The following ENTPD1 variants were observed in gnomAD, a reference collection of about 807,000 sequenced individuals.
The protein encoded by ENTPD1 is ectonucleoside triphosphate diphosphohydrolase 1.
Under a neutral mutation model 57.0 loss-of-function variants are expected in ENTPD1, and 33 were observed. The observed-to-expected ratio is 0.58, with a 90% confidence interval of 0.44 to 0.77. The LOEUF (loss-of-function observed/expected upper bound fraction) is 0.77. ENTPD1 is among the 30% of genes least tolerant of loss of function. The pLI, the probability that ENTPD1 is intolerant of heterozygous loss-of-function variation, is 0.00. For synonymous variants in ENTPD1, 202 were observed against 218.8 expected, an observed-to-expected ratio of 0.92 and a Z score of 0.68; for missense variants, 501 against 603.4, an observed-to-expected ratio of 0.83 and a Z score of 1.78.
At chr10:95,813,116 A>C (rs1248463601) in intron 1 of ENTPD1, among the ~76,000 whole-genome samples, 1 of 152,176 alleles carries the variant, frequency 6.6e-6, no homozygotes, top group Non-Finnish European at 1.5e-5. Flanking sequence ...AGAAGAGGAG[A>C]CTTTATTTCT....
At position 95,867,928 on chromosome 10, in the gene ENTPD1, T is replaced by C; in HGVS notation, c.*1545T>C. The C allele has an allele frequency of 1.0e-6, 1 of 985,478 alleles. No individual in the cohort carries two copies. Among genetic ancestry groups the C allele is most frequent in the Non-Finnish European group, 1.2e-6 (1 of 829,934 alleles). 61.0% of individuals were successfully genotyped at this position (985,478 alleles called of 1,614,324 possible). ...TGGAAAGGAACTCTTAATCTTCTTT[T>C]CTGCTACTTAGGTTAAATTCACTAG... On this transcript the variant is annotated 3_prime_UTR_variant, in exon 10 of 10. Coordinates refer to ENST00000371205, the MANE Select transcript of ENTPD1 (RefSeq NM_001776.6).
At position 95,873,274 on chromosome 10, in the gene ENTPD1, G is replaced by T; in HGVS notation, c.*6891G>T. ...GACTACTGTCATTCACAGGCATTCTGTTCCACAGCAGGCCAGCTAACGTGG... is the reference window on the plus strand; with the variant it reads ...GACTACTGTCATTCACAGGCATTCTTTTCCACAGCAGGCCAGCTAACGTGG... On this transcript the variant is annotated 3_prime_UTR_variant, in exon 10 of 10. Coordinates refer to ENST00000371205, the MANE Select transcript of ENTPD1 (RefSeq NM_001776.6). 1.0e-6 allele frequency: 1 copy of T among 985,408 alleles called. No homozygotes were observed. The highest frequency in any genetic ancestry group is 1.2e-6 in the Non-Finnish European group (1 of 829,928). 61.0% of individuals were successfully genotyped at this position (985,408 alleles called of 1,614,324 possible). A position where few individuals can be genotyped will look rare whatever the true frequency, so the allele number is the denominator to read the frequency against.
At chr10:95,694,987 G>T in the ENTPD1 span, among the ~76,000 whole-genome samples, 9 of 141,720 alleles carry the variant, frequency 6.4e-5, no homozygotes, top group African/African-American at 2.1e-4. Flanking sequence ...TGCAACCTCT[G>T]CCTCTAGGAT....
chr10:95,711,288 T>C (rs999287229), upstream of ENTPD1, among the ~76,000 whole-genome samples: 1 of 152,154 alleles, frequency 6.6e-6, no homozygotes, highest in Non-Finnish European at 1.5e-5. Context: ...TTGAATCCCA[T>C]TGCAGAGCGG....
chr10:95,707,493 G>C (rs1366556765), upstream of ENTPD1, among the ~76,000 whole-genome samples: 1 of 152,250 alleles, frequency 6.6e-6, no homozygotes, highest in Non-Finnish European at 1.5e-5. Flanking sequence ...AGTTATGTTT[G>C]AGAGGAGTAG....
intron 1 of ENTPD1, among the ~76,000 whole-genome samples, chr10:95,796,945 G>A (rs1023490675): frequency 2.6e-5 from 4 of 151,944 alleles, no homozygotes; most frequent in African/African-American, 7.3e-5. Context: ...GGTGGTGCAC[G>A]CCCGTAGTCC....
intron 1 of ENTPD1, among the ~76,000 whole-genome samples, chr10:95,740,421 G>A (rs926561214): frequency 5.3e-5 from 8 of 152,166 alleles, no homozygotes; most frequent in Admixed American, 1.3e-4. Flanking sequence ...CACTGCACCC[G>A]GCCCATTTAA....
intron 1 of ENTPD1, among the ~76,000 whole-genome samples, chr10:95,800,333 C>T (rs1293673922): frequency 6.6e-6 from 1 of 151,986 alleles, no homozygotes; most frequent in Non-Finnish European, 1.5e-5. Context: ...GGTGTATGAA[C>T]AGGGAGTAAG....
intron 1 of ENTPD1, among the ~76,000 whole-genome samples, chr10:95,734,850 G>A (rs553105731): frequency 5.3e-5 from 8 of 152,128 alleles, no homozygotes; most frequent in East Asian, 1.9e-4. Flanking sequence ...AGATCCCTTC[G>A]CTCTTTTAGT....
chr10:95,834,341 C>T (rs2098404385), intron 2 of ENTPD1, among the ~76,000 whole-genome samples: 1 of 151,972 alleles, frequency 6.6e-6, no homozygotes, highest in Non-Finnish European at 1.5e-5. Context: ...GTAATTACAC[C>T]ATGTGGCCAG....
At position 95,866,590 on chromosome 10, in the gene ENTPD1, T is replaced by C; in HGVS notation, c.*207T>C. 3 of 1,420,512 alleles carry C rather than the reference T, an allele frequency of 2.1e-6. No homozygotes were observed. The highest frequency in any genetic ancestry group is 2.8e-6 in the Non-Finnish European group (3 of 1,090,490). The allele number at this position is 1,420,512 out of a possible 1,614,324, so 88.0% of individuals were successfully genotyped here. A position where few individuals can be genotyped will look rare whatever the true frequency, so the allele number is the denominator to read the frequency against. On this transcript the variant is annotated 3_prime_UTR_variant, in exon 10 of 10. Coordinates refer to ENST00000371205, the MANE Select transcript of ENTPD1 (RefSeq NM_001776.6). Reference sequence around the variant, plus strand: ...AGGACTTCGGCAGATACTGTCTCTTTCATGAGTTTTTCCCAGCTACACCTT... The same window carrying C: ...AGGACTTCGGCAGATACTGTCTCTTCCATGAGTTTTTCCCAGCTACACCTT...
intron 1 of ENTPD1, among the ~76,000 whole-genome samples, chr10:95,762,729 T>C (rs2098071124): frequency 6.6e-6 from 1 of 152,196 alleles, no homozygotes; most frequent in Non-Finnish European, 1.5e-5. Flanking sequence ...CTTACTAGAT[T>C]GAAACTTGTT....
intron 1 of ENTPD1, among the ~76,000 whole-genome samples, chr10:95,786,192 C>T (rs980548160): frequency 6.6e-6 from 1 of 152,216 alleles, no homozygotes; most frequent in African/African-American, 2.4e-5. Context: ...GTTTGCCCCT[C>T]CCCTTCCCAT....
chr10:95,852,292 G>A (rs1204816470), intron 7 of ENTPD1, among the ~76,000 whole-genome samples: 3 of 152,032 alleles, frequency 2.0e-5, no homozygotes, highest in Admixed American at 2.0e-4. Flanking sequence ...TTTTTTTCTT[G>A]TAAATTTGTT....
the ENTPD1 span, chr10:95,694,216 C>A: frequency 2.7e-6 from 1 of 375,024 alleles, no homozygotes; most frequent in Non-Finnish European, 4.9e-6. Flanking sequence ...CGAGAGGTTC[C>A]GCGCCCACTT....
intron 1 of ENTPD1, among the ~76,000 whole-genome samples, chr10:95,812,652 A>T (rs117574958): frequency 4.5e-3 from 684 of 152,360 alleles, no homozygotes; most frequent in Non-Finnish European, 8.1e-3. Context: ...TAACTTTATA[A>T]GAAACTGCCA....
At position 95,867,373 on chromosome 10, in the gene ENTPD1, T is replaced by C. The variant is rs996029624; in HGVS notation, c.*990T>C. ...ACATTGTCTAGAGACAAGACTATCC[T>C]GGGTAGGCAGAAACCATAGATCTTT... On this transcript the variant is annotated 3_prime_UTR_variant, in exon 10 of 10. Coordinates refer to ENST00000371205, the MANE Select transcript of ENTPD1 (RefSeq NM_001776.6). 11 of 985,322 alleles carry C rather than the reference T, an allele frequency of 1.1e-5. No individual in the cohort carries two copies. The highest frequency in any genetic ancestry group is 4.8e-6 in the Non-Finnish European group (4 of 829,934). 61.0% of individuals were successfully genotyped at this position (985,322 alleles called of 1,614,324 possible). A position where few individuals can be genotyped will look rare whatever the true frequency, so the allele number is the denominator to read the frequency against.
intron 7 of ENTPD1, among the ~76,000 whole-genome samples, chr10:95,852,355 A>G (rs1443997309): frequency 2.6e-5 from 4 of 152,184 alleles, no homozygotes; most frequent in Non-Finnish European, 5.9e-5. Flanking sequence ...ATTAGGTTGC[A>G]AAAATTTTCT....
intron 2 of ENTPD1, among the ~76,000 whole-genome samples, chr10:95,824,915 C>T (rs768567339): frequency 5.3e-5 from 8 of 152,206 alleles, no homozygotes; most frequent in Non-Finnish European, 1.0e-4. Context: ...TTTTTAATAA[C>T]ATCACTGATT....
Sources: gnomAD v4.1 joint callset for allele counts (sites outside exome capture counted in the v4.1 genomes callset) on GRCh38, gnomAD v4.1.1 for gene constraint, MANE v1.5 for transcripts, NCBI Gene and HGNC (gene_info 2026-07-23, HGNC 2026-07-21) for gene names.